CACNA1A: variants seen among roughly 807,000 people sequenced by gnomAD.
CACNA1A encodes the protein voltage-dependent P/Q-type calcium channel subunit alpha-1A.
A neutral mutation model predicts 262.4 loss-of-function variants in CACNA1A; 57 were observed. The ratio of observed to expected loss-of-function variants is 0.22; its 90% CI spans 0.18 to 0.27. CACNA1A has a LOEUF of 0.27. CACNA1A is among the 10% of genes least tolerant of loss of function. CACNA1A has a pLI of 1.00. For missense variants in CACNA1A, 2,526 were observed against 3,562.8 expected, an observed-to-expected ratio of 0.71 and a Z score of 7.41; for synonymous variants, 1,431 against 1,419.3, an observed-to-expected ratio of 1.01 and a Z score of -0.18.
At chr19:13,434,446 T>C (rs1026631992) in intron 3 of CACNA1A, among the ~76,000 whole-genome samples, 2 of 152,210 alleles carry the variant, frequency 1.3e-5, no homozygotes, top group Non-Finnish European at 2.9e-5. Context: ...CCAAATCTTA[T>C]GGCGAATTGT....
intron 1 of CACNA1A, among the ~76,000 whole-genome samples, chr19:13,504,110 A>G (rs1982727290): frequency 6.6e-6 from 1 of 152,162 alleles, no homozygotes; most frequent in African/African-American, 2.4e-5. Context: ...TCAGCCGAGC[A>G]AAGCCCTCTC....
chr19:13,409,386 G>A (rs1397000578), intron 3 of CACNA1A, among the ~76,000 whole-genome samples: 1 of 152,068 alleles, frequency 6.6e-6, no homozygotes, highest in African/African-American at 2.4e-5. Context: ...CTGTGTGTGT[G>A]TGTGTGTGTG....
chr19:13,242,457 G>A (rs1189413616), intron 31 of CACNA1A, among the ~76,000 whole-genome samples: 4 of 151,946 alleles, frequency 2.6e-5, no homozygotes, highest in South Asian at 2.1e-4. Context: ...CACCGTGCCC[G>A]GCTAATTTTT....
chr19:13,234,799 G>A lies in CACNA1A; in HGVS notation c.5249+122C>T, dbSNP rs1423652165. The A allele has an allele frequency of 4.2e-6, 3 of 711,612 alleles. No individual in the cohort carries two copies. The African/African-American group carries it at 5.3e-5, about 13-fold the overall frequency. 44.1% of individuals were successfully genotyped at this position (711,612 alleles called of 1,614,324 possible). ...GGGTGAGGGCGCGCCCCTGCCAGAAGAGAAGGAGGAGGGCACGTCTTGCAT... is the reference window on the plus strand; with the variant it reads ...GGGTGAGGGCGCGCCCCTGCCAGAAAAGAAGGAGGAGGGCACGTCTTGCAT... On this transcript the variant is annotated intron_variant, in intron 34 of 46. Coordinates refer to ENST00000360228, the MANE Select transcript of CACNA1A (RefSeq NM_001127222.2).
In CACNA1A at chr19:13,341,058, C is replaced by T. The variant is rs140727022; in HGVS notation, c.979-5149G>A. Among the ~76,000 whole-genome samples the T allele has an allele frequency of 3.7e-3, 567 of 152,212 alleles. 21 individuals carry two copies. The highest frequency in any genetic ancestry group is 0.036 in the Admixed American group (556 of 15,282). On this transcript the variant is annotated intron_variant, in intron 6 of 46. Coordinates refer to ENST00000360228, the MANE Select transcript of CACNA1A (RefSeq NM_001127222.2). ...CTGCACTCCAGCCTGGGAGACAGAG[C>T]AAGACCCTGTGTCTAAAATAAAGAA... is the stretch of plus-strand genomic sequence containing the variant.
At chr19:13,252,014 C>T (rs1376290309) in intron 30 of CACNA1A, among the ~76,000 whole-genome samples, 4 of 151,960 alleles carry the variant, frequency 2.6e-5, no homozygotes, top group African/African-American at 9.7e-5. Flanking sequence ...GATTTGCCTG[C>T]CTCTGCCTCC....
chr19:13,492,823 AG>A, intron 1 of CACNA1A, among the ~76,000 whole-genome samples: 1 of 152,272 alleles, frequency 6.6e-6, no homozygotes, highest in South Asian at 2.1e-4. Flanking sequence ...AGCATACAGT[AG>A]GTGCTCAGTC....
chr19:13,423,565 G>A (rs2060351973), intron 3 of CACNA1A, among the ~76,000 whole-genome samples: 1 of 152,032 alleles, frequency 6.6e-6, no homozygotes, highest in African/African-American at 2.4e-5. Context: ...AAATGGGAGT[G>A]CAGTGGTGCA....
chr19:13,439,069 C>G (rs1360890280), intron 3 of CACNA1A, among the ~76,000 whole-genome samples: 1 of 151,776 alleles, frequency 6.6e-6, no homozygotes, highest in East Asian at 1.9e-4. Context: ...TCCTGTTCCC[C>G]TGTTTCCTGG....
chr19:13,207,467 C>T lies in CACNA1A; in HGVS notation c.7367G>A (p.Arg2456Gln). The stretch of plus-strand genomic sequence containing the variant: ...CGAGGCGCAGGCCGGGCCCGAGGCC[C>T]GGGGAGTCCTGGGCGAGCGCCCGGT... ...GATGRSPRTPRASGPACASPS... is the reference protein window; with the variant it reads ...GATGRSPRTPQASGPACASPS... The change falls in exon 47 of 47, where the codon CGG (arginine) becomes CAG (glutamine). Residue 2456 changes from arginine (R) to glutamine (Q), a missense_variant. Physicochemically the swap from Arg to Gln is conservative, Grantham distance 43 (BLOSUM62 1). Coordinates refer to ENST00000360228, the MANE Select transcript of CACNA1A (RefSeq NM_001127222.2). The surrounding 1 kb of genome is among the most constrained non-coding windows in gnomAD (Gnocchi z 5.7). 6.7e-7 allele frequency: 1 copy of T among 1,482,476 alleles called. No individual in the cohort carries two copies. The highest frequency in any genetic ancestry group is 8.9e-7 in the Non-Finnish European group (1 of 1,121,254). The allele number at this position is 1,482,476 out of a possible 1,614,324, so 91.8% of individuals were successfully genotyped here. A position where few individuals can be genotyped will look rare whatever the true frequency, so the allele number is the denominator to read the frequency against.
At chr19:13,480,397 T>A (rs1239577477) in intron 1 of CACNA1A, among the ~76,000 whole-genome samples, 1 of 152,214 alleles carries the variant, frequency 6.6e-6, no homozygotes, top group Admixed American at 6.5e-5. Context: ...TACTTTCTCC[T>A]CCCTAGCTTA....
At chr19:13,386,685 C>T (rs910703703) in intron 3 of CACNA1A, among the ~76,000 whole-genome samples, 8 of 151,764 alleles carry the variant, frequency 5.3e-5, no homozygotes, top group Non-Finnish European at 7.4e-5. Flanking sequence ...CCCAGCTACT[C>T]GGGAGGCTGA....
intron 3 of CACNA1A, among the ~76,000 whole-genome samples, chr19:13,424,185 C>T (rs532133958): frequency 1.3e-5 from 2 of 152,208 alleles, no homozygotes; most frequent in East Asian, 3.9e-4. Flanking sequence ...CCCATCTCTA[C>T]TAAAAATACA....
intron 1 of CACNA1A, among the ~76,000 whole-genome samples, chr19:13,466,060 G>C (rs1006138063): frequency 6.6e-6 from 1 of 152,084 alleles, no homozygotes; most frequent in African/African-American, 2.4e-5. Flanking sequence ...TCCTTTAGGG[G>C]TGGTGAAAAT....
At chr19:13,323,433 A>C (rs1223493523) in intron 10 of CACNA1A, among the ~76,000 whole-genome samples, 2 of 152,088 alleles carry the variant, frequency 1.3e-5, no homozygotes, top group Non-Finnish European at 2.9e-5. Context: ...CTTTTGGGAT[A>C]TGTATGTTCA....
chr19:13,231,923 C>T, intron 34 of CACNA1A, 63 bp from the exon 35 acceptor site: 1 of 1,541,346 alleles, frequency 6.5e-7, no homozygotes, highest in Non-Finnish European at 8.8e-7. Context: ...AACGCCTCCC[C>T]AGGAGGTGGA....
chr19:13,257,128 A>C (rs775061231), intron 28 of CACNA1A: 8 of 370,978 alleles, frequency 2.2e-5, no homozygotes, highest in Non-Finnish European at 3.9e-5. Flanking sequence ...GTTGCTTGTT[A>C]CTGCGGCATA....
intron 6 of CACNA1A, among the ~76,000 whole-genome samples, chr19:13,342,893 T>C (rs2058699366): frequency 6.6e-6 from 1 of 152,140 alleles, no homozygotes; most frequent in South Asian, 2.1e-4. Context: ...GCAGCATAAC[T>C]TGGCTGCCCT....
intron 3 of CACNA1A, among the ~76,000 whole-genome samples, chr19:13,427,453 AAAATAAATAAATAAAT>A (rs58681300): frequency 5.1e-5 from 7 of 136,186 alleles, no homozygotes; most frequent in South Asian, 4.8e-4. Context: ...ACTCCATCTC[AAAATAAATAAATAAAT>A]AAATAAATAA....
Sources: allele counts gnomAD v4.1 joint callset (sites outside exome capture counted in the v4.1 genomes callset), GRCh38; gene constraint gnomAD v4.1.1; non-coding constraint Gnocchi (gnomAD v3.1); transcripts MANE v1.5; gene names NCBI Gene and HGNC (gene_info 2026-07-23, HGNC 2026-07-21).